DCLRE1B: variants seen among roughly 807,000 people sequenced by gnomAD.
DCLRE1B encodes the protein DNA cross-link repair 1B.
Under a neutral mutation model 19.8 loss-of-function variants are expected in DCLRE1B, and 6 were observed. The ratio of observed to expected loss-of-function variants is 0.30; its 90% CI spans 0.17 to 0.60. The LOEUF is 0.60. DCLRE1B is among the 20% of genes least tolerant of loss of function. DCLRE1B has a pLI of 0.87. For missense variants in DCLRE1B, 622 were observed against 654.2 expected (o/e 0.95, Z 0.54); for synonymous variants, 258 against 255.7 (o/e 1.01, Z -0.09).
In DCLRE1B at chr1:113,907,030, G is replaced by A; in HGVS notation, c.224G>A (p.Gly75Asp). Residue 75 changes from glycine (G) to aspartate (D), a missense_variant, in exon 2 of 4, where the codon GGT becomes GAT. Gly to Asp is a moderately conservative substitution (Grantham distance 94). Around this residue, in one of 3 missense-constraint regions of DCLRE1B, gnomAD observed 237 missense variants for 223.8 expected, o/e 1.06. Coordinates refer to ENST00000650450, the MANE Select transcript of DCLRE1B (RefSeq NM_022836.4). Reference sequence around the variant, plus strand: ...CAATGGATCCAAGCCCTGGAGGTTGGTGAGAGCCATGTATTACCCCTAGAT... The same window carrying A: ...CAATGGATCCAAGCCCTGGAGGTTGATGAGAGCCATGTATTACCCCTAGAT... ...SKQWIQALEV[G>D]ESHVLPLDEI... The A allele has an allele frequency of 6.2e-7, 1 of 1,613,942 alleles. No homozygotes were observed.
In DCLRE1B at chr1:113,905,397, C is replaced by T. The variant is rs756447640; in HGVS notation, c.-190C>T. On this transcript the variant is annotated 5_prime_UTR_variant, in exon 1 of 4. Transcript: ENST00000650450. ...TCCAGCGCCCTCCGCGATTTGGGCT[C>T]CAGCGGGCAGGGTGACTTCCTTTTT... is the stretch of plus-strand genomic sequence containing the variant. 9.4e-5 allele frequency: 59 copies of T among 626,194 alleles called. No individual in the cohort carries two copies. Among genetic ancestry groups the T allele is most frequent in the Admixed American group, 2.3e-4 (7 of 30,228 alleles). 38.8% of individuals were successfully genotyped at this position (626,194 alleles called of 1,614,324 possible).
rs777798401 is a variant in DCLRE1B at position 113,907,007 on chromosome 1, A to G, written c.201A>G (p.Gln67=). The G allele has an allele frequency of 4.3e-6, 7 of 1,613,864 alleles. No individual in the cohort carries two copies. The highest frequency in any genetic ancestry group is 5.9e-6 in the Non-Finnish European group (7 of 1,179,936). The change falls in exon 2 of 4, where the codon CAA becomes CAG. Residue 67 remains glutamine (Q), a synonymous_variant. Transcript: ENST00000650450. ...LLHRHLQVSK[Q]WIQALEVGES... Reference sequence around the variant, plus strand: ...AACTGTTTTCTCAGGTATCTAAGCAATGGATCCAAGCCCTGGAGGTTGGTG... The same window carrying G: ...AACTGTTTTCTCAGGTATCTAAGCAGTGGATCCAAGCCCTGGAGGTTGGTG...
chr1:113,911,108 C>T, intron 3 of DCLRE1B, 23 bp from the exon 4 acceptor site: 1 of 1,579,338 alleles, frequency 6.3e-7, no homozygotes, highest in Non-Finnish European at 8.6e-7. Context: ...CTTACTTTCC[C>T]CAATACATTG....
chr1:113,905,264 G>C (rs954019430), upstream of DCLRE1B: 1 of 376,572 alleles, frequency 2.7e-6, no homozygotes, highest in African/African-American at 2.1e-5. Flanking sequence ...GCTCCCTCTG[G>C]TGGAGCTGCG....
chr1:113,906,861 A>G (rs1478425467), intron 1 of DCLRE1B, 135 bp from the exon 2 acceptor site: 1 of 893,230 alleles, frequency 1.1e-6, no homozygotes, highest in Non-Finnish European at 1.7e-6. Context: ...TTGCTTGGGA[A>G]TCCCCATTAC....
chr1:113,911,810 C>T lies in DCLRE1B; in HGVS notation c.1218C>T (p.Ser406=), dbSNP rs1387708662. ...IKKQLFPDLY[S]KEWNKAVPFC... is the part of the protein sequence containing the mutation. Reference sequence around the variant, plus strand: ...AGCAGTTGTTCCCAGATCTCTATAGCAAAGAATGGAACAAGGCAGTGCCTT... The same window carrying T: ...AGCAGTTGTTCCCAGATCTCTATAGTAAAGAATGGAACAAGGCAGTGCCTT... The change falls in exon 4 of 4, where the codon AGC becomes AGT. Residue 406 remains serine, a synonymous_variant. Transcript: ENST00000650450. 3.7e-6 allele frequency: 6 copies of T among 1,614,060 alleles called. No individual in the cohort carries two copies. The highest frequency in any genetic ancestry group is 5.1e-6 in the Non-Finnish European group (6 of 1,180,042).
At chr1:113,906,321 G>T (rs1668961445) in intron 1 of DCLRE1B, among the ~76,000 whole-genome samples, 1 of 151,692 alleles carries the variant, frequency 6.6e-6, no homozygotes, top group South Asian at 2.1e-4. Context: ...GCCTCCCCAA[G>T]TGCTGGGATT....
In DCLRE1B at chr1:113,907,020, C is replaced by A; in HGVS notation, c.214C>A (p.Leu72Met). ...GGTATCTAAGCAATGGATCCAAGCC[C>A]TGGAGGTTGGTGAGAGCCATGTATT... ...LQVSKQWIQA[L>M]EVGESHVLPL... Residue 72 changes from leucine to methionine, a missense_variant, in exon 2 of 4, where the codon CTG becomes ATG. Coordinates refer to ENST00000650450, the MANE Select transcript of DCLRE1B (RefSeq NM_022836.4). 1 of 1,613,968 alleles carries A rather than the reference C, an allele frequency of 6.2e-7. No homozygotes were observed. The highest frequency in any genetic ancestry group is 8.5e-7 in the Non-Finnish European group (1 of 1,179,990).
In DCLRE1B at chr1:113,907,077, A is replaced by G; in HGVS notation, c.271A>G (p.Thr91Ala). Residue 91 changes from threonine (T) to alanine (A), a missense_variant, in exon 2 of 4, where the codon ACC becomes GCC. This residue lies in a region of DCLRE1B where 237 missense variants were observed against 223.8 expected (regional missense o/e 1.06). Coordinates refer to ENST00000650450, the MANE Select transcript of DCLRE1B (RefSeq NM_022836.4). ...AGATGAAATTGGACAAGAGACCATGACCGTAACCCTCCTCGATGCCAATCA... is the reference window on the plus strand; with the variant it reads ...AGATGAAATTGGACAAGAGACCATGGCCGTAACCCTCCTCGATGCCAATCA... ...PLDEIGQETM[T>A]VTLLDANHCP... is the part of the protein sequence containing the mutation. 1 of 1,613,988 alleles carries G rather than the reference A, an allele frequency of 6.2e-7. No individual in the cohort carries two copies. Among genetic ancestry groups the G allele is most frequent in the Non-Finnish European group, 8.5e-7 (1 of 1,180,000 alleles).
In DCLRE1B at chr1:113,911,352, A is replaced by G. The variant is rs775524261; in HGVS notation, c.760A>G (p.Ile254Val). Residue 254 changes from isoleucine to valine, a missense_variant, in exon 4 of 4, where the codon ATC (isoleucine) becomes GTC (valine). Ile to Val is a conservative substitution (Grantham distance 29). This residue lies in a region of DCLRE1B where 382 missense variants were observed against 412.5 expected (regional missense o/e 0.93). Transcript: ENST00000650450. ...GAACCAGACCCACCCTACGATTGCT[A>G]TCCTTCCCACAAGCCGAAAAATCCA... ...RWNQTHPTIA[I>V]LPTSRKIHSS... 9 of 1,614,130 alleles carry G rather than the reference A, an allele frequency of 5.6e-6. No individual in the cohort carries two copies. Among genetic ancestry groups the G allele is most frequent in the Middle Eastern group, 1.6e-4 (1 of 6,062 alleles).
At chr1:113,907,222 T>G (rs1048019535) in intron 2 of DCLRE1B, 61 bp downstream of exon 2, 69 of 1,327,152 alleles carry the variant, frequency 5.2e-5, no homozygotes, top group African/African-American at 7.3e-5. Flanking sequence ...TTTTTTTTTT[T>G]TTTTTTTTTT....
At chr1:113,905,169 C>T (rs1316476091), upstream of DCLRE1B, 16 of 340,480 alleles carry the variant, frequency 4.7e-5, no homozygotes, top group East Asian at 7.7e-5. Context: ...GCCGGTCTCC[C>T]CGCGAGCGAG....
chr1:113,912,198 G>A lies in DCLRE1B; in HGVS notation c.*7G>A, dbSNP rs770951416. The A allele has an allele frequency of 1.2e-5, 20 of 1,600,258 alleles. No homozygotes were observed. In the East Asian group the frequency reaches 4.2e-4, roughly 34 times the overall value. On this transcript the variant is annotated 3_prime_UTR_variant, in exon 4 of 4. Transcript: ENST00000650450. ...ATACCATAAACCCTGCTGAAGACAGGAGAGTACAGAATGACAACATTGAGC... is the reference window on the plus strand; with the variant it reads ...ATACCATAAACCCTGCTGAAGACAGAAGAGTACAGAATGACAACATTGAGC...
rs1368980786 is a variant in DCLRE1B at position 113,905,548 on chromosome 1, C to T, written c.-39C>T. ...AAGCCTCACGCAGGAGCCCTGCCCCCGTGGAGAAGATCCCACTGGTGACTC... is the reference window on the plus strand; with the variant it reads ...AAGCCTCACGCAGGAGCCCTGCCCCTGTGGAGAAGATCCCACTGGTGACTC... On this transcript the variant is annotated 5_prime_UTR_variant, in exon 1 of 4. Coordinates refer to ENST00000650450, the MANE Select transcript of DCLRE1B (RefSeq NM_022836.4). The T allele has an allele frequency of 2.5e-6, 4 of 1,599,928 alleles. No individual in the cohort carries two copies. The highest frequency in any genetic ancestry group is 3.4e-6 in the Non-Finnish European group (4 of 1,171,924).
At position 113,905,350 on chromosome 1, in the gene DCLRE1B, C is replaced by A; in HGVS notation, c.-237C>A. 1 of 524,544 alleles carries A rather than the reference C, an allele frequency of 1.9e-6. No homozygotes were observed. The highest frequency in any genetic ancestry group is 3.3e-6 in the Non-Finnish European group (1 of 300,226). 32.5% of individuals were successfully genotyped at this position (524,544 alleles called of 1,614,324 possible). On this transcript the variant is annotated 5_prime_UTR_variant, in exon 1 of 4. Coordinates refer to ENST00000650450, the MANE Select transcript of DCLRE1B (RefSeq NM_022836.4). ...CGCTTTGAGTGCCCGGCTCGGCCTC[C>A]GCTCCCGCGCGGTTGGGAGTGTCCA...
At chr1:113,904,880 C>G, upstream of DCLRE1B, 5 of 680,652 alleles carry the variant, frequency 7.3e-6, no homozygotes, top group Non-Finnish European at 1.3e-5. Flanking sequence ...CACGCTGGCC[C>G]TGACACACTT....
At chr1:113,905,969 G>A (rs1668917534) in intron 1 of DCLRE1B, among the ~76,000 whole-genome samples, 194 bp downstream of exon 1, 3 of 151,230 alleles carry the variant, frequency 2.0e-5, no homozygotes, top group Admixed American at 2.0e-4. Flanking sequence ...GCCATAAGTT[G>A]AGGAGATATT....
chr1:113,905,903 G>T, intron 1 of DCLRE1B, 128 bp downstream of exon 1: 1 of 1,106,436 alleles, frequency 9.0e-7, no homozygotes, highest in Non-Finnish European at 1.3e-6. Context: ...ACCCAAAAAT[G>T]CATCTTTAAC....
chr1:113,905,478 CCCTGTT>C lies in DCLRE1B; in HGVS notation c.-107_-102del, dbSNP rs1668862841. ...GGGCTCTTTCCCTTAGGGTCTCTGG[CCCTGTT>C]CTTGCCCCAGCATGACTTTTATCGG... On this transcript the variant is annotated 5_prime_UTR_variant, in exon 1 of 4. Transcript: ENST00000650450. 8.8e-6 allele frequency: 10 copies of C among 1,135,944 alleles called. No homozygotes were observed. The South Asian group carries it at 1.2e-4, about 14-fold the overall frequency. The allele number at this position is 1,135,944 out of a possible 1,614,324, so 70.4% of individuals were successfully genotyped here. A position where few individuals can be genotyped will look rare whatever the true frequency, so the allele number is the denominator to read the frequency against.
Sources: gnomAD v4.1 joint callset for allele counts (sites outside exome capture counted in the v4.1 genomes callset) on GRCh38, gnomAD v4.1.1 for gene constraint, gnomAD v4.1.1 regional missense constraint, MANE v1.5 for transcripts, NCBI Gene and HGNC (gene_info 2026-07-23, HGNC 2026-07-21) for gene names.